The following DNM3 variants were observed in gnomAD, a reference collection of about 807,000 sequenced individuals.
DNM3 encodes the protein dynamin 3, also known as dynamin-3.
A neutral mutation model predicts 101.6 loss-of-function variants in DNM3; 47 were observed. That is an observed-to-expected ratio of 0.46 (90% confidence interval 0.37 to 0.59). DNM3 has a LOEUF of 0.59. Ranked by LOEUF, DNM3 falls within the 20% of genes least tolerant of loss-of-function variation. The pLI is 0.00. For missense variants in DNM3, 849 were observed against 1,085.7 expected, an observed-to-expected ratio of 0.78 and a Z score of 3.06; for synonymous variants, 385 against 387.9, an observed-to-expected ratio of 0.99 and a Z score of 0.09.
intron 14 of DNM3, among the ~76,000 whole-genome samples, chr1:172,213,538 A>AAAAG (rs1553419736): frequency 7.0e-6 from 1 of 143,878 alleles, no homozygotes; most frequent in African/African-American, 2.5e-5. Flanking sequence ...AAAAAAAAAA[A>AAAAG]GCCTATTGGT....
At chr1:171,871,617 A>G (rs954270452) in intron 1 of DNM3, among the ~76,000 whole-genome samples, 10 of 152,184 alleles carry the variant, frequency 6.6e-5, no homozygotes, top group Non-Finnish European at 1.5e-4. Context: ...CCTTCCCCCT[A>G]GTAACTATTG....
At chr1:172,381,321 G>A (rs1014168602) in intron 18 of DNM3, among the ~76,000 whole-genome samples, 2 of 151,964 alleles carry the variant, frequency 1.3e-5, no homozygotes, top group Non-Finnish European at 2.9e-5. Flanking sequence ...ATAGGAATGT[G>A]GAGAAGGCGA....
downstream of DNM3, among the ~76,000 whole-genome samples, chr1:172,414,274 A>T (rs1032445244): frequency 2.0e-5 from 3 of 152,360 alleles, no homozygotes; most frequent in East Asian, 5.8e-4. Flanking sequence ...TAATAATTAG[A>T]ATACATACAA....
At chr1:171,898,092 G>A (rs1464080236) in intron 1 of DNM3, among the ~76,000 whole-genome samples, 1 of 152,104 alleles carries the variant, frequency 6.6e-6, no homozygotes, top group Non-Finnish European at 1.5e-5. Flanking sequence ...GAATTGTGTT[G>A]TATTTGGCAA....
chr1:172,091,412 G>T (rs2053899812), intron 12 of DNM3, among the ~76,000 whole-genome samples: 1 of 152,186 alleles, frequency 6.6e-6, no homozygotes, highest in Non-Finnish European at 1.5e-5. Context: ...GGAAGGGAGG[G>T]ATGCGGTTAT....
chr1:171,949,615 C>T (rs1363355661), intron 2 of DNM3, among the ~76,000 whole-genome samples: 2 of 151,702 alleles, frequency 1.3e-5, no homozygotes, highest in African/African-American at 4.8e-5. Flanking sequence ...AAGGTCTTGC[C>T]ATGTTGCCAG....
At chr1:172,057,800 A>C (rs1238542030) in intron 10 of DNM3, among the ~76,000 whole-genome samples, 1 of 151,372 alleles carries the variant, frequency 6.6e-6, no homozygotes, top group South Asian at 2.1e-4. Flanking sequence ...CGAGCAAAAT[A>C]ACCAGCTATC....
chr1:172,173,317 G>A lies in DNM3; in HGVS notation c.1659+42029G>A, dbSNP rs2059032203. ...CGCCAAAGTTTTTGTTAAAGCAAGTGAGCAGAGTGGCAGTGTCAATAACTA... is the reference window on the plus strand; with the variant it reads ...CGCCAAAGTTTTTGTTAAAGCAAGTAAGCAGAGTGGCAGTGTCAATAACTA... On this transcript the variant is annotated intron_variant, in intron 14 of 20. Transcript: ENST00000627582. Among the ~76,000 whole-genome samples, 3 of 151,676 alleles carry A rather than the reference G, an allele frequency of 2.0e-5. No individual in the cohort carries two copies. In the Admixed American group the frequency reaches 2.0e-4, roughly 10 times the overall value.
At chr1:172,052,331 AT>A (rs2050261905) in intron 10 of DNM3, among the ~76,000 whole-genome samples, 2 of 152,094 alleles carry the variant, frequency 1.3e-5, no homozygotes, top group Admixed American at 1.3e-4. Flanking sequence ...TTAGCCTTTT[AT>A]TTCCTGAATC....
At chr1:172,058,311 C>T (rs1264198404) in intron 10 of DNM3, among the ~76,000 whole-genome samples, 2 of 151,416 alleles carry the variant, frequency 1.3e-5, no homozygotes. Flanking sequence ...ACAAGGATAC[C>T]CAGGAATTGA....
chr1:172,418,391 A>G (rs2071505117), exon 21 of DNM3: 6 of 1,211,830 alleles, frequency 5.0e-6, no homozygotes, highest in South Asian at 1.4e-5. Context: ...CATTTGCACT[A>G]TATGTCGTAT....
chr1:172,252,336 A>G (rs1191606148), intron 14 of DNM3, among the ~76,000 whole-genome samples: 4 of 152,088 alleles, frequency 2.6e-5, no homozygotes, highest in African/African-American at 7.2e-5. Flanking sequence ...GGTGGGTGAT[A>G]CTCCCTACAA....
At chr1:172,047,993 A>G (rs2049939970) in intron 9 of DNM3, among the ~76,000 whole-genome samples, 1 of 152,190 alleles carries the variant, frequency 6.6e-6, no homozygotes, top group Admixed American at 6.5e-5. Context: ...ATACACATGC[A>G]CATGTATATA....
In DNM3 at chr1:172,382,955, A is replaced by C. The variant is rs117081111; in HGVS notation, c.2058+3773A>C. 9.9e-5 allele frequency among the ~76,000 whole-genome samples: 15 copies of C among 152,268 alleles called. No homozygotes were observed. The East Asian group carries it at 2.9e-3, about 29-fold the overall frequency. ...GGCATTTTGGTGGAAAATTAGTAAC[A>C]TGTGCCCTAGTTTCAAAACTTACTG... is the stretch of plus-strand genomic sequence containing the variant. On this transcript the variant is annotated intron_variant, in intron 18 of 20. Transcript: ENST00000627582.
intron 13 of DNM3, among the ~76,000 whole-genome samples, chr1:172,102,091 C>T (rs148418274): frequency 0.015 from 2,270 of 152,170 alleles, 75 homozygotes; most frequent in East Asian, 0.12. Context: ...ACTCTTACCT[C>T]AGGTGATCTA....
intron 14 of DNM3, among the ~76,000 whole-genome samples, chr1:172,158,760 A>G (rs1459736962): frequency 1.3e-5 from 2 of 152,088 alleles, no homozygotes; most frequent in Non-Finnish European, 2.9e-5. Context: ...TTTTATTGAT[A>G]GGTTTGATGT....
intron 15 of DNM3, among the ~76,000 whole-genome samples, chr1:172,300,611 T>A (rs887786189): frequency 1.3e-5 from 2 of 152,314 alleles, no homozygotes; most frequent in African/African-American, 2.4e-5. Context: ...GCTAGCCATA[T>A]GCAAAAGAAT....
At chr1:172,058,253 T>C (rs1323316362) in intron 10 of DNM3, among the ~76,000 whole-genome samples, 1 of 151,756 alleles carries the variant, frequency 6.6e-6, no homozygotes, top group Non-Finnish European at 1.5e-5. Flanking sequence ...ATGGGAGACT[T>C]TAACACCCCA....
At chr1:172,284,072 A>G (rs1446998431) in intron 15 of DNM3, among the ~76,000 whole-genome samples, 1 of 152,202 alleles carries the variant, frequency 6.6e-6, no homozygotes, top group African/African-American at 2.4e-5. Context: ...AAGTGAAATA[A>G]TCTCACAGCT....
Sources: gnomAD v4.1 joint callset for allele counts (sites outside exome capture counted in the v4.1 genomes callset) on GRCh38, gnomAD v4.1.1 for gene constraint, MANE v1.5 for transcripts, NCBI Gene and HGNC (gene_info 2026-07-23, HGNC 2026-07-21) for gene names.